RFWD3: variants seen among roughly 807,000 people sequenced by gnomAD.
RFWD3 encodes E3 ubiquitin-protein ligase RFWD3.
A neutral mutation model predicts 87.7 loss-of-function variants in RFWD3; 65 were observed. That is an observed-to-expected ratio of 0.74 (90% CI 0.61 to 0.91). The LOEUF (loss-of-function observed/expected upper bound fraction) is 0.91, where lower values mean the gene tolerates loss of function less well. RFWD3 is among the 40% of genes least tolerant of loss of function. The pLI is 0.00. For missense variants in RFWD3, 1,078 were observed against 938.5 expected (o/e 1.15, Z -1.94); for synonymous variants, 433 against 352.8 (o/e 1.23, Z -2.55).
At chr16:74,658,980 G>C (rs531847522) in intron 2 of RFWD3, among the ~76,000 whole-genome samples, 1 of 151,990 alleles carries the variant, frequency 6.6e-6, no homozygotes, top group Admixed American at 6.6e-5. Context: ...TGTTGGCCTC[G>C]AACTCCTGGC....
chr16:74,648,849 G>A (rs933844502), intron 4 of RFWD3, among the ~76,000 whole-genome samples: 1 of 152,130 alleles, frequency 6.6e-6, no homozygotes, highest in Non-Finnish European at 1.5e-5. Context: ...GGTTTGGGAG[G>A]CCGAGGCAGG....
chr16:74,635,701 G>A (rs577582852), intron 8 of RFWD3, among the ~76,000 whole-genome samples: 1 of 152,248 alleles, frequency 6.6e-6, no homozygotes, highest in Non-Finnish European at 1.5e-5. Flanking sequence ...TGGGATAAAG[G>A]AACATTATAT....
chr16:74,640,229 G>A (rs1209131896), intron 6 of RFWD3, among the ~76,000 whole-genome samples: 7 of 150,170 alleles, frequency 4.7e-5, no homozygotes, highest in South Asian at 4.2e-4. Context: ...TGCAACCTCC[G>A]CCTCCTCCCG....
At chr16:74,653,921 G>GTCAGTAA (rs1381214640) in intron 2 of RFWD3, among the ~76,000 whole-genome samples, 1 of 152,124 alleles carries the variant, frequency 6.6e-6, no homozygotes, top group Non-Finnish European at 1.5e-5. Flanking sequence ...AAAAAGAAAT[G>GTCAGTAA]TCAGTAAACC....
intron 8 of RFWD3, among the ~76,000 whole-genome samples, chr16:74,635,247 C>T (rs1435736879): frequency 6.6e-6 from 1 of 151,622 alleles, no homozygotes; most frequent in Non-Finnish European, 1.5e-5. Context: ...AGCGCCACTG[C>T]AGTCCGGCCT....
chr16:74,636,522 G>A lies in RFWD3; in HGVS notation c.1250C>T (p.Ser417Phe), dbSNP rs1367606821. 2 of 1,614,014 alleles carry A rather than the reference G, an allele frequency of 1.2e-6. No individual in the cohort carries two copies. Among genetic ancestry groups the A allele is most frequent in the Non-Finnish European group, 8.5e-7 (1 of 1,180,036 alleles). ...TGAGCAGCTCAGGACCCATGCTTGGGAGCCCCTGGGTTGCTGTAAATTCTG... is the reference window on the plus strand; with the variant it reads ...TGAGCAGCTCAGGACCCATGCTTGGAAGCCCCTGGGTTGCTGTAAATTCTG... ...QSQNLQQPRG[S>F]QAWVLSCSPS... is the part of the protein sequence containing the mutation. The change falls in exon 8 of 13, where the codon TCC (serine) becomes TTC (phenylalanine). Residue 417 changes from serine (S) to phenylalanine (F), a missense_variant. By Grantham distance (155) the Ser-to-Phe change is radical (BLOSUM62 -2). Transcript: ENST00000361070.
At chr16:74,638,768 A>G (rs1411866034) in intron 6 of RFWD3, among the ~76,000 whole-genome samples, 1 of 152,236 alleles carries the variant, frequency 6.6e-6, no homozygotes, top group Non-Finnish European at 1.5e-5. Flanking sequence ...CAACAATTTT[A>G]ACAGCAATCT....
At chr16:74,651,850 T>C in intron 3 of RFWD3, 70 bp downstream of exon 3, 2 of 1,387,170 alleles carry the variant, frequency 1.4e-6, no homozygotes, top group Non-Finnish European at 2.0e-6. Context: ...CAAATCTAGT[T>C]TCTAGCCTTC....
chr16:74,633,135 G>C (rs1181180941), intron 8 of RFWD3, among the ~76,000 whole-genome samples: 2 of 152,050 alleles, frequency 1.3e-5, no homozygotes, highest in Non-Finnish European at 2.9e-5. Flanking sequence ...AAATTAGCCA[G>C]GCGTGGTGGC....
chr16:74,666,730 G>C (rs58136167), intron 1 of RFWD3, 56 bp downstream of exon 1: 1 of 151,978 alleles, frequency 6.6e-6, no homozygotes, highest in Non-Finnish European at 1.5e-5. Flanking sequence ...GGCGTGGGGA[G>C]GTTTATCCCG....
intron 3 of RFWD3, among the ~76,000 whole-genome samples, chr16:74,650,715 C>T (rs1168569236): frequency 6.6e-6 from 1 of 151,926 alleles, no homozygotes; most frequent in Non-Finnish European, 1.5e-5. Flanking sequence ...GGAGACCCCA[C>T]AGCTACAAAA....
chr16:74,647,271 C>T (rs975372063), intron 4 of RFWD3, among the ~76,000 whole-genome samples: 1 of 151,852 alleles, frequency 6.6e-6, no homozygotes, highest in African/African-American at 2.4e-5. Flanking sequence ...ATACTGAGGA[C>T]AATGATGTAT....
rs1959276596 is a variant in RFWD3, at chr16:74,637,838, T to A, written c.1194+18A>T. 3.2e-6 allele frequency: 5 copies of A among 1,583,132 alleles called. No homozygotes were observed. Among genetic ancestry groups the A allele is most frequent in the Middle Eastern group, 1.9e-4 (1 of 5,204 alleles). On this transcript the variant is annotated intron_variant, in intron 7 of 12. Transcript: ENST00000361070. ...TTCCTATTCCAAAAGTTCTTTGGAT[T>A]AGAAAGGACAAACGTACCTGAACAC...
chr16:74,666,290 T>C (rs1436695283), intron 1 of RFWD3: 1 of 152,262 alleles, frequency 6.6e-6, no homozygotes, highest in African/African-American at 2.4e-5. Context: ...GCGGGTTTCC[T>C]AAACTCGGCT....
intron 10 of RFWD3, among the ~76,000 whole-genome samples, chr16:74,629,623 T>C (rs1289947257): frequency 6.6e-6 from 1 of 151,374 alleles, no homozygotes; most frequent in African/African-American, 2.4e-5. Context: ...TGAGACACCA[T>C]CTTAAAAAAA....
intron 5 of RFWD3, 32 bp from the exon 6 acceptor site, chr16:74,644,485 G>C: frequency 1.2e-6 from 2 of 1,614,094 alleles, no homozygotes; most frequent in South Asian, 2.2e-5. Flanking sequence ...AATTAGAGTG[G>C]TTCTAGGAAT....
At chr16:74,643,380 C>T (rs745963475) in intron 6 of RFWD3, among the ~76,000 whole-genome samples, 1 of 152,196 alleles carries the variant, frequency 6.6e-6, no homozygotes, top group South Asian at 2.1e-4. Flanking sequence ...CATGCATACA[C>T]CACCGTTCAT....
At chr16:74,651,759 A>G (rs1226296001) in intron 3 of RFWD3, among the ~76,000 whole-genome samples, 161 bp downstream of exon 3, 1 of 152,254 alleles carries the variant, frequency 6.6e-6, no homozygotes, top group African/African-American at 2.4e-5. Context: ...TCCTCTCTAC[A>G]TAATTATGGC....
At chr16:74,647,645 G>T (rs1010494025) in intron 4 of RFWD3, among the ~76,000 whole-genome samples, 8 of 152,024 alleles carry the variant, frequency 5.3e-5, no homozygotes, top group Admixed American at 2.0e-4. Flanking sequence ...AAGCTAGAGC[G>T]CAGTGACGCT....
Sources: gnomAD v4.1 joint callset for allele counts (sites outside exome capture counted in the v4.1 genomes callset) on GRCh38, gnomAD v4.1.1 for gene constraint, MANE v1.5 for transcripts, NCBI Gene and HGNC (gene_info 2026-07-23, HGNC 2026-07-21) for gene names.